Variants in PCDHA4 observed in about 807,000 individuals in gnomAD.
PCDHA4 encodes the protein protocadherin alpha-4.
In PCDHA4, 49 loss-of-function variants were observed where a neutral mutation model predicts 61.4. The observed-to-expected ratio is 0.80, with a 90% CI of 0.63 to 1.01. PCDHA4 has a LOEUF of 1.01. Ranked by LOEUF, PCDHA4 falls within the 50% of genes least tolerant of loss-of-function variation. The pLI, the probability that PCDHA4 is intolerant of heterozygous loss-of-function variation, is 0.00. For missense variants in PCDHA4, 1,254 were observed against 1,235.8 expected (o/e 1.01, Z -0.22); for synonymous variants, 590 against 550.3 (o/e 1.07, Z -1.01).
chr5:140,823,315 G>T (rs2150124604), intron 1 of PCDHA4: 2 of 1,612,268 alleles, frequency 1.2e-6, no homozygotes, highest in South Asian at 1.1e-5. Context: ...CGCGGAGAGC[G>T]GCAAGGTGTA....
chr5:140,980,963 A>T (rs1047334103), intron 2 of PCDHA4, among the ~76,000 whole-genome samples: 8 of 152,224 alleles, frequency 5.3e-5, no homozygotes, highest in African/African-American at 1.9e-4. Context: ...TTACACCTTC[A>T]TGAATCTGAC....
At chr5:140,966,425 G>A in intron 1 of PCDHA4, 1 of 421,678 alleles carries the variant, frequency 2.4e-6, no homozygotes, top group South Asian at 9.9e-5. Flanking sequence ...GACTTGCTGA[G>A]CCCTCCTACC....
At position 140,973,042 on chromosome 5, in the gene PCDHA4, T is replaced by C. The variant is rs78535788; in HGVS notation, c.2386-5907T>C. Among the ~76,000 whole-genome samples the C allele has an allele frequency of 5.1e-3, 779 of 152,252 alleles. 6 individuals carry two copies. Among genetic ancestry groups the C allele is most frequent in the African/African-American group, 0.018 (740 of 41,542 alleles). ...TGTTAATGAGTCACTTTGAGTACTCTAGTAGATTTGTCCAACAGTGTCTCA... is the reference window on the plus strand; with the variant it reads ...TGTTAATGAGTCACTTTGAGTACTCCAGTAGATTTGTCCAACAGTGTCTCA... On this transcript the variant is annotated intron_variant, in intron 1 of 3. Transcript: ENST00000530339.
chr5:140,841,326 A>G (rs2150313603), intron 1 of PCDHA4: 2 of 1,607,682 alleles, frequency 1.2e-6, no homozygotes, highest in South Asian at 2.2e-5. Flanking sequence ...TTTAACATGG[A>G]TTATCACTGG....
intron 1 of PCDHA4, among the ~76,000 whole-genome samples, chr5:140,819,460 C>A (rs898793780): frequency 6.6e-6 from 1 of 152,056 alleles, no homozygotes; most frequent in Non-Finnish European, 1.5e-5. Context: ...CAAGGAAGAA[C>A]TTCTGTTTAC....
chr5:140,837,274 A>G (rs1774994137), intron 1 of PCDHA4: 1 of 152,032 alleles, frequency 6.6e-6, no homozygotes, highest in South Asian at 2.1e-4. Context: ...TGTAGCACTG[A>G]CTTCTTTTTA....
chr5:140,970,933 G>T (rs782607345), intron 1 of PCDHA4, among the ~76,000 whole-genome samples: 6 of 152,176 alleles, frequency 3.9e-5, no homozygotes, highest in African/African-American at 9.7e-5. Context: ...CCTGGTGTTA[G>T]TCAATGCTGA....
At chr5:141,008,723 C>G (rs1480694972) in intron 3 of PCDHA4, among the ~76,000 whole-genome samples, 1 of 152,110 alleles carries the variant, frequency 6.6e-6, no homozygotes, top group Non-Finnish European at 1.5e-5. Flanking sequence ...GAGTGTATGT[C>G]CAACTAGACT....
intron 1 of PCDHA4, among the ~76,000 whole-genome samples, chr5:140,955,810 A>G (rs1171384572): frequency 1.3e-5 from 2 of 152,090 alleles, no homozygotes; most frequent in Non-Finnish European, 2.9e-5. Context: ...GTTTGTGTCC[A>G]CTGTGATTTC....
intron 1 of PCDHA4, among the ~76,000 whole-genome samples, chr5:140,902,711 C>T (rs2153477998): frequency 6.6e-6 from 1 of 151,990 alleles, no homozygotes; most frequent in Middle Eastern, 3.4e-3. Context: ...TCTTTCACTC[C>T]CCTCCCACCC....
chr5:140,936,435 TTAAA>T (rs1554210994), intron 1 of PCDHA4, among the ~76,000 whole-genome samples: 2 of 152,222 alleles, frequency 1.3e-5, no homozygotes, highest in African/African-American at 4.8e-5. Flanking sequence ...TAATTTAAGC[TTAAA>T]TAACCACATC....
chr5:140,877,063 C>T (rs782051698), intron 1 of PCDHA4: 21 of 1,612,898 alleles, frequency 1.3e-5, no homozygotes, highest in East Asian at 2.2e-5. Context: ...GCTGGAGCTG[C>T]TGCAGTTCCA....
intron 2 of PCDHA4, among the ~76,000 whole-genome samples, chr5:140,981,654 A>ATTTCTTCCTTCC (rs563193906): frequency 2.0e-5 from 3 of 152,026 alleles, no homozygotes; most frequent in Non-Finnish European, 2.9e-5. Context: ...GATCCCACTT[A>ATTTCTTCCTTCC]TTTCTTCCTT....
intron 1 of PCDHA4, chr5:140,821,919 G>T: frequency 6.2e-7 from 1 of 1,614,198 alleles, no homozygotes; most frequent in East Asian, 2.2e-5. Flanking sequence ...GCCGCATCGC[G>T]CAGGACCTAG....
intron 1 of PCDHA4, chr5:140,823,464 G>A (rs543460881): frequency 6.2e-7 from 1 of 1,613,420 alleles, no homozygotes; most frequent in Non-Finnish European, 8.5e-7. Flanking sequence ...ACGCGCCGGC[G>A]CTGCTGGTGC....
At chr5:140,892,553 C>T (rs2063570808) in intron 1 of PCDHA4, among the ~76,000 whole-genome samples, 1 of 152,170 alleles carries the variant, frequency 6.6e-6, no homozygotes, top group South Asian at 2.1e-4. Flanking sequence ...TTTCTCTAGT[C>T]CTTGGAGACT....
intron 1 of PCDHA4, among the ~76,000 whole-genome samples, chr5:140,941,185 C>CTT (rs782102770): frequency 2.0e-5 from 2 of 102,242 alleles, no homozygotes; most frequent in East Asian, 7.3e-4. Context: ...CATCCTGCTT[C>CTT]TTTTTTTTTC....
intron 3 of PCDHA4, among the ~76,000 whole-genome samples, chr5:140,985,779 G>A (rs2097170620): frequency 7.9e-6 from 1 of 126,148 alleles, no homozygotes; most frequent in Non-Finnish European, 1.6e-5. Flanking sequence ...TCGCTCTGTC[G>A]CCCAGGCTGG....
intron 1 of PCDHA4, chr5:140,829,099 T>C (rs1554131748): frequency 2.5e-6 from 4 of 1,611,442 alleles, no homozygotes; most frequent in Non-Finnish European, 3.4e-6. Context: ...ATTGCACCGT[T>C]TTAGTGAGAA....
Sources: allele counts gnomAD v4.1 joint callset (sites outside exome capture counted in the v4.1 genomes callset), GRCh38; gene constraint gnomAD v4.1.1; transcripts MANE v1.5; gene names NCBI Gene and HGNC (gene_info 2026-07-23, HGNC 2026-07-21).